Variants in GPM6A observed in about 807,000 individuals in gnomAD.
GPM6A encodes glycoprotein M6A, also known as neuronal membrane glycoprotein M6-a.
In GPM6A, 7 loss-of-function variants were observed where a neutral mutation model predicts 32.1. The observed-to-expected ratio is 0.22, with a 90% CI of 0.12 to 0.41. GPM6A has a LOEUF of 0.41. Ranked by LOEUF, GPM6A falls within the 10% of genes least tolerant of loss-of-function variation. The pLI is 1.00. For synonymous variants in GPM6A, 130 were observed against 123.4 expected (o/e 1.05, Z -0.35); for missense variants, 235 against 347.2 (o/e 0.68, Z 2.57).
intron 1 of GPM6A, chr4:175,962,112 G>C: frequency 2.6e-6 from 2 of 758,734 alleles, no homozygotes. Flanking sequence ...AGCCCATGCT[G>C]TGCACCATCC....
Position 175,654,695 on chromosome 4 carries a change from C to T in GPM6A, c.388-2708G>A, listed in dbSNP as rs1560854579. Among the ~76,000 whole-genome samples, 4 of 152,118 alleles carry T rather than the reference C, an allele frequency of 2.6e-5. No homozygotes were observed. In the South Asian group the frequency reaches 8.3e-4, roughly 32 times the overall value. ...GCCTCCAGAAATTCTTGGAAACCAC[C>T]CTGAAAGTGAAGAAATCTTCTTAAA... On this transcript the variant is annotated intron_variant, in intron 3 of 6. Coordinates refer to ENST00000393658, the MANE Select transcript of GPM6A (RefSeq NM_201591.3).
intron 1 of GPM6A, among the ~76,000 whole-genome samples, chr4:175,994,903 G>A (rs1741257621): frequency 6.6e-6 from 1 of 152,264 alleles, no homozygotes; most frequent in Admixed American, 6.5e-5. Flanking sequence ...TAGAACCTTT[G>A]TTGTCATTTC....
At chr4:175,966,573 G>A (rs1228733897) in intron 1 of GPM6A, among the ~76,000 whole-genome samples, 2 of 151,794 alleles carry the variant, frequency 1.3e-5, no homozygotes, top group African/African-American at 4.8e-5. Flanking sequence ...CTTATAACAA[G>A]AGGTCAGAGA....
intron 1 of GPM6A, among the ~76,000 whole-genome samples, chr4:175,921,562 C>A (rs560662846): frequency 6.6e-6 from 1 of 152,056 alleles, no homozygotes. Flanking sequence ...TCATAACCTG[C>A]TAAATAAGAT....
chr4:175,677,331 C>T (rs941647522), intron 2 of GPM6A, among the ~76,000 whole-genome samples: 4 of 152,234 alleles, frequency 2.6e-5, no homozygotes, highest in African/African-American at 7.2e-5. Context: ...AGGGGTTTAA[C>T]ATCTTCCTCC....
intron 3 of GPM6A, among the ~76,000 whole-genome samples, chr4:175,668,061 T>C (rs1263567762): frequency 1.3e-5 from 2 of 152,210 alleles, no homozygotes; most frequent in African/African-American, 2.4e-5. Context: ...TACACAGTTT[T>C]CTATTTTATC....
At chr4:175,712,601 G>A (rs1029712695) in intron 1 of GPM6A, among the ~76,000 whole-genome samples, 2 of 152,190 alleles carry the variant, frequency 1.3e-5, no homozygotes, top group African/African-American at 2.4e-5. Flanking sequence ...AGGCCAACCT[G>A]ACTTTCTCTT....
At chr4:175,812,141 A>C (rs765030076) in intron 1 of GPM6A, 50 bp downstream of exon 1, 1 of 1,388,296 alleles carries the variant, frequency 7.2e-7, no homozygotes, top group Non-Finnish European at 1.0e-6. Context: ...GCAAACAAGG[A>C]AACTGCAAAA....
At position 175,640,307 on chromosome 4, in the gene GPM6A, C is replaced by A. The variant is rs1247610012; in HGVS notation, c.619-113G>T. 6 of 806,280 alleles carry A rather than the reference C, an allele frequency of 7.4e-6. No homozygotes were observed. The East Asian group carries it at 1.6e-4, about 21-fold the overall frequency. The allele number at this position is 806,280 out of a possible 1,614,324, so 49.9% of individuals were successfully genotyped here. On this transcript the variant is annotated intron_variant, in intron 5 of 6. Coordinates refer to ENST00000393658, the MANE Select transcript of GPM6A (RefSeq NM_201591.3). ...TTGTACATCTTAAATAAAAGCGAGCCTGTGATAAATCACCCACCTGATTAA... is the reference window on the plus strand; with the variant it reads ...TTGTACATCTTAAATAAAAGCGAGCATGTGATAAATCACCCACCTGATTAA...
intron 1 of GPM6A, among the ~76,000 whole-genome samples, chr4:175,922,834 T>C (rs1738711198): frequency 1.3e-5 from 2 of 152,196 alleles, no homozygotes; most frequent in South Asian, 4.1e-4. Flanking sequence ...TAAAATTTAA[T>C]TGAATATGAA....
At chr4:175,713,042 T>C (rs1380087327) in intron 1 of GPM6A, among the ~76,000 whole-genome samples, 1 of 152,096 alleles carries the variant, frequency 6.6e-6, no homozygotes, top group Non-Finnish European at 1.5e-5. Context: ...AATAGTAGAC[T>C]AAAAAGCTCC....
rs572169905 is a variant in GPM6A at position 175,674,664 on chromosome 4, A to C, written c.231-828T>G. On this transcript the variant is annotated intron_variant, in intron 2 of 6. Coordinates refer to ENST00000393658, the MANE Select transcript of GPM6A (RefSeq NM_201591.3). ...CCATATTTTTACGTTACAGATAGTC[A>C]ATTATAGTTGTATTCTATTTTGTAC... is the stretch of plus-strand genomic sequence containing the variant. 5.9e-5 allele frequency among the ~76,000 whole-genome samples: 9 copies of C among 152,204 alleles called. No individual in the cohort carries two copies. The South Asian group carries it at 1.0e-3, about 18-fold the overall frequency.
chr4:175,858,582 G>A (rs1241036098), intron 1 of GPM6A, among the ~76,000 whole-genome samples: 5 of 151,956 alleles, frequency 3.3e-5, no homozygotes, highest in African/African-American at 1.2e-4. Context: ...CCAAGTGCTG[G>A]TGAGGACATG....
intron 1 of GPM6A, among the ~76,000 whole-genome samples, chr4:175,941,308 C>T (rs529377197): frequency 3.3e-5 from 5 of 152,082 alleles, no homozygotes; most frequent in African/African-American, 4.8e-5. Flanking sequence ...ATACTAGAGA[C>T]GTCTCATTTG....
At chr4:175,874,533 G>T (rs1351148562) in intron 1 of GPM6A, among the ~76,000 whole-genome samples, 1 of 152,112 alleles carries the variant, frequency 6.6e-6, no homozygotes, top group Non-Finnish European at 1.5e-5. Flanking sequence ...CAGAGCCAAA[G>T]GGTGTGGCAT....
At chr4:175,971,360 A>T (rs1214139221) in intron 1 of GPM6A, among the ~76,000 whole-genome samples, 1 of 152,130 alleles carries the variant, frequency 6.6e-6, no homozygotes, top group East Asian at 1.9e-4. Context: ...TTTTCTGATC[A>T]TATTTATTTT....
chr4:175,818,581 AC>A (rs1438610260), intron 1 of GPM6A, among the ~76,000 whole-genome samples: 3 of 152,254 alleles, frequency 2.0e-5, no homozygotes, highest in African/African-American at 7.2e-5. Flanking sequence ...TTCAATAGAT[AC>A]TTGTTGAATG....
At chr4:175,721,203 C>T (rs1746116356) in intron 1 of GPM6A, among the ~76,000 whole-genome samples, 1 of 147,712 alleles carries the variant, frequency 6.8e-6, no homozygotes, top group Admixed American at 6.9e-5. Context: ...AGGCCAGGCA[C>T]AGTGGCTCAT....
At chr4:175,637,657 AAATATATAATATATAT>A (rs1225033775) in intron 6 of GPM6A, among the ~76,000 whole-genome samples, 1 of 796 alleles carries the variant, frequency 1.3e-3, no homozygotes, top group Non-Finnish European at 3.8e-3. Context: ...ATAAAATATA[AAATATATAATATATAT>A]AATATATATA....
Sources: allele counts gnomAD v4.1 joint callset (sites outside exome capture counted in the v4.1 genomes callset), GRCh38; gene constraint gnomAD v4.1.1; transcripts MANE v1.5; gene names NCBI Gene and HGNC (gene_info 2026-07-23, HGNC 2026-07-21).